CASK: variants seen among roughly 807,000 people sequenced by gnomAD.
CASK encodes calcium/calmodulin dependent serine protein kinase.
A neutral mutation model predicts 82.9 loss-of-function variants in CASK; 4 were observed. The ratio of observed to expected loss-of-function variants is 0.05; its 90% confidence interval spans 0.02 to 0.11. CASK has a LOEUF of 0.11. CASK is among the 10% of genes least tolerant of loss of function. The probability of loss-of-function intolerance (pLI) is 1.00; values close to 1 mark genes in which losing one functional copy is unlikely to be tolerated. For missense variants in CASK, 358 were observed against 720.9 expected, an observed-to-expected ratio of 0.50 and a Z score of 5.76; for synonymous variants, 259 against 253.5, an observed-to-expected ratio of 1.02 and a Z score of -0.20.
intron 1 of CASK, among the ~76,000 whole-genome samples, chrX:41,914,679 AACTT>A (rs1490623038): frequency 8.9e-6 from 1 of 112,479 alleles, no homozygotes; most frequent in African/African-American, 3.2e-5. Flanking sequence ...AAGTATCTAA[AACTT>A]ACTTTGTCAC....
intron 3 of CASK, among the ~76,000 whole-genome samples, chrX:41,771,558 T>C (rs957945373): frequency 8.9e-6 from 1 of 111,734 alleles, no homozygotes; most frequent in Non-Finnish European, 1.9e-5. Context: ...GAAGGAATTA[T>C]ATAAAATTAA....
intron 1 of CASK, among the ~76,000 whole-genome samples, chrX:41,880,448 G>T (rs749411421): frequency 8.9e-6 from 1 of 111,918 alleles, no homozygotes; most frequent in South Asian, 3.7e-4. Flanking sequence ...TGCAAGCCAT[G>T]TGTCTCCTAC....
At chrX:41,590,880 T>C (rs951529045) in intron 12 of CASK, among the ~76,000 whole-genome samples, 22 of 111,630 alleles carry the variant, frequency 2.0e-4, no homozygotes, top group Non-Finnish European at 3.8e-4. Context: ...TTGCTTATAC[T>C]AATGCAAGAT....
chrX:41,781,045 A>C (rs2069465061), intron 3 of CASK, among the ~76,000 whole-genome samples: 1 of 110,872 alleles, frequency 9.0e-6, no homozygotes, highest in Non-Finnish European at 1.9e-5. Context: ...GGCTCAAGTA[A>C]TTCTCCCACC....
intron 1 of CASK, among the ~76,000 whole-genome samples, chrX:41,892,750 T>TA (rs935014037): frequency 4.5e-5 from 5 of 111,749 alleles, no homozygotes; most frequent in East Asian, 2.8e-4. Flanking sequence ...ACTCCATTCT[T>TA]AAAAAAAATC....
intron 5 of CASK, chrX:41,696,667 G>A: frequency 2.5e-6 from 3 of 1,209,248 alleles, no homozygotes; most frequent in South Asian, 1.8e-5. Flanking sequence ...CTTTTTAGAC[G>A]ATTTCAAGGT....
chrX:41,519,178 A>G lies in CASK; in HGVS notation c.*1242T>C, dbSNP rs2064601514. 8.9e-6 allele frequency: 1 copy of G among 112,228 alleles called. No individual in the cohort carries two copies. Among genetic ancestry groups the G allele is most frequent in the Non-Finnish European group, 1.9e-5 (1 of 53,286 alleles). The allele number at this position is 112,228 out of a possible 1,213,427, so 9.2% of individuals were successfully genotyped here. On this transcript the variant is annotated 3_prime_UTR_variant, in exon 27 of 27. Transcript: ENST00000378163. ...TCAGCTTGGAAGCCTGAACAAATCT[A>G]TAATGAAATGAAGGACCCAAAGGCA...
chrX:41,813,445 ACAACC>A (rs1176472373), intron 2 of CASK, among the ~76,000 whole-genome samples: 1 of 111,122 alleles, frequency 9.0e-6, no homozygotes, highest in Admixed American at 9.6e-5. Context: ...CCACACATCT[ACAACC>A]ATCTGATCTT....
intron 1 of CASK, among the ~76,000 whole-genome samples, chrX:41,920,058 G>A (rs1489118788): frequency 1.8e-5 from 2 of 112,084 alleles, no homozygotes; most frequent in Non-Finnish European, 3.8e-5. Flanking sequence ...GGGTGAGTGA[G>A]TAGGTGGTTG....
At chrX:41,635,814 T>C (rs1187051427) in intron 9 of CASK, 1 of 102,291 alleles carries the variant, frequency 9.8e-6, no homozygotes, top group Non-Finnish European at 2.0e-5. Flanking sequence ...GAGCTGAAAA[T>C]ATTTTCTAGT....
intron 1 of CASK, among the ~76,000 whole-genome samples, chrX:41,865,049 T>C (rs957664069): frequency 8.9e-6 from 1 of 112,043 alleles, no homozygotes; most frequent in African/African-American, 3.2e-5. Flanking sequence ...TTAGGCGACA[T>C]AGTAAAATCA....
intron 9 of CASK, among the ~76,000 whole-genome samples, chrX:41,634,221 G>A (rs968292435): frequency 8.9e-6 from 1 of 112,376 alleles, no homozygotes; most frequent in Non-Finnish European, 1.9e-5. Context: ...GGTGGACTCT[G>A]AAAGCCAAGG....
intron 8 of CASK, among the ~76,000 whole-genome samples, chrX:41,656,733 G>A (rs1282538385): frequency 9.0e-6 from 1 of 110,585 alleles, no homozygotes; most frequent in Non-Finnish European, 1.9e-5. Context: ...TGGGGAAGGG[G>A]GGTGGTAGAG....
intron 3 of CASK, among the ~76,000 whole-genome samples, chrX:41,768,437 T>G (rs2069154747): frequency 9.0e-6 from 1 of 111,103 alleles, no homozygotes; most frequent in Non-Finnish European, 1.9e-5. Flanking sequence ...TGTACATGTA[T>G]ATGTGTATGT....
At chrX:41,858,702 C>T (rs778102604) in intron 1 of CASK, among the ~76,000 whole-genome samples, 57 of 112,105 alleles carry the variant, frequency 5.1e-4, no homozygotes, top group Non-Finnish European at 9.0e-4. Context: ...CTTCTCTTCT[C>T]CTAAGTCTTC....
At chrX:41,564,201 C>T (rs768737151) in intron 16 of CASK, among the ~76,000 whole-genome samples, 2 of 112,182 alleles carry the variant, frequency 1.8e-5, no homozygotes, top group Admixed American at 1.9e-4. Context: ...ATGATCATCT[C>T]AGCAGATTCT....
intron 8 of CASK, 96 bp downstream of exon 8, chrX:41,660,340 AAAG>A (rs772071433): frequency 5.1e-5 from 37 of 727,849 alleles, no homozygotes; most frequent in Non-Finnish European, 7.6e-5. Flanking sequence ...TGCTCAGAAA[AAAG>A]AAAAGGTAAA....
At chrX:41,878,363 A>G in intron 1 of CASK, among the ~76,000 whole-genome samples, 1 of 111,472 alleles carries the variant, frequency 9.0e-6, no homozygotes, top group East Asian at 2.8e-4. Flanking sequence ...GGGTGATGCC[A>G]GTCCAAGGCT....
chrX:41,616,790 G>C (rs931504453), intron 11 of CASK, among the ~76,000 whole-genome samples: 1 of 111,060 alleles, frequency 9.0e-6, no homozygotes, highest in Non-Finnish European at 1.9e-5. Flanking sequence ...TGTGTTTTTA[G>C]TAGAGACGGG....
Sources: gnomAD v4.1 joint callset for allele counts (sites outside exome capture counted in the v4.1 genomes callset) on GRCh38, gnomAD v4.1.1 for gene constraint, MANE v1.5 for transcripts, NCBI Gene and HGNC (gene_info 2026-07-23, HGNC 2026-07-21) for gene names.